FXYD6: variants seen among roughly 807,000 people sequenced by gnomAD.
The protein encoded by FXYD6 is FXYD domain containing ion transport regulator 6.
A neutral mutation model predicts 16.7 loss-of-function variants in FXYD6; 7 were observed. The ratio of observed to expected loss-of-function variants is 0.42; its 90% CI spans 0.24 to 0.79. The LOEUF (loss-of-function observed/expected upper bound fraction) is 0.79, where lower values mean the gene tolerates loss of function less well. Ranked by LOEUF, FXYD6 falls within the 30% of genes least tolerant of loss-of-function variation. FXYD6 has a pLI of 0.28. For missense variants in FXYD6, 111 were observed against 116.2 expected, an observed-to-expected ratio of 0.95 and a Z score of 0.21; for synonymous variants, 49 against 43.0, an observed-to-expected ratio of 1.14 and a Z score of -0.54.
rs757655838 is a variant in FXYD6, at chr11:117,869,551, G to A, written c.-6+7041C>T. On this transcript the variant is annotated intron_variant, in intron 1 of 7. Transcript: ENST00000526014. ...CCAGCCCGGCTGCACAGGGTGGAGC[G>A]GGAGAGGCAAAACTCTCTTGTCATA... Among the ~76,000 whole-genome samples the A allele has an allele frequency of 3.3e-5, 5 of 152,176 alleles. No homozygotes were observed. In the East Asian group the frequency reaches 9.6e-4, roughly 29 times the overall value.
At chr11:117,862,089 G>T (rs200146209) in intron 1 of FXYD6, among the ~76,000 whole-genome samples, 1 of 152,196 alleles carries the variant, frequency 6.6e-6, no homozygotes, top group East Asian at 1.9e-4. Context: ...AACTGAAAAG[G>T]CGATGCCCCA....
intron 1 of FXYD6, among the ~76,000 whole-genome samples, chr11:117,865,045 G>A (rs1348415689): frequency 7.9e-5 from 12 of 152,150 alleles, no homozygotes; most frequent in African/African-American, 2.7e-4. Context: ...ATTCAAAAAT[G>A]AGCAAATAAC....
intron 1 of FXYD6, among the ~76,000 whole-genome samples, chr11:117,857,784 C>A (rs1281728516): frequency 6.6e-6 from 1 of 152,132 alleles, no homozygotes; most frequent in Non-Finnish European, 1.5e-5. Flanking sequence ...GTGGTCTGAT[C>A]TATTCGTGCT....
chr11:117,841,246 T>C, intron 4 of FXYD6, 62 bp from the exon 5 acceptor site: 1 of 1,611,728 alleles, frequency 6.2e-7, no homozygotes, highest in Non-Finnish European at 8.5e-7. Flanking sequence ...GGGCCAAGGG[T>C]CTGTGCAGGT....
chr11:117,846,193 TTC>T (rs1486634473), intron 1 of FXYD6, among the ~76,000 whole-genome samples: 19 of 152,306 alleles, frequency 1.2e-4, no homozygotes, highest in East Asian at 3.9e-4. Context: ...CTGGACTTTT[TTC>T]TCTGTGTTTA....
chr11:117,855,599 G>A (rs923271886), intron 1 of FXYD6, among the ~76,000 whole-genome samples: 4 of 152,226 alleles, frequency 2.6e-5, no homozygotes, highest in Non-Finnish European at 5.9e-5. Context: ...AGGCTGGCTG[G>A]GGTGGGGAGG....
At chr11:117,871,190 T>A (rs1460185290) in intron 1 of FXYD6, among the ~76,000 whole-genome samples, 3 of 152,172 alleles carry the variant, frequency 2.0e-5, no homozygotes, top group South Asian at 2.1e-4. Flanking sequence ...AAATTCTTAG[T>A]TTCTAGACTC....
chr11:117,852,278 A>T (rs1348939644), intron 1 of FXYD6, among the ~76,000 whole-genome samples: 1 of 152,210 alleles, frequency 6.6e-6, no homozygotes, highest in Admixed American at 6.5e-5. Context: ...GCTGTGCCAG[A>T]CCTCTGACCT....
chr11:117,846,265 A>G (rs1282766086), intron 1 of FXYD6, among the ~76,000 whole-genome samples: 1 of 152,166 alleles, frequency 6.6e-6, no homozygotes, highest in Admixed American at 6.5e-5. Context: ...CCGTTTTCCA[A>G]GTGAGTTGAC....
At chr11:117,863,826 A>G (rs1016865935) in intron 1 of FXYD6, among the ~76,000 whole-genome samples, 1 of 152,176 alleles carries the variant, frequency 6.6e-6, no homozygotes, top group African/African-American at 2.4e-5. Flanking sequence ...ACAATAAAAA[A>G]TCTGAAGAGG....
At chr11:117,841,487 G>T in intron 4 of FXYD6, 1 of 589,038 alleles carries the variant, frequency 1.7e-6, no homozygotes, top group South Asian at 2.0e-5. Context: ...GCACACTAGG[G>T]CAGCACCTGT....
At chr11:117,855,322 T>C (rs1284128568) in intron 1 of FXYD6, among the ~76,000 whole-genome samples, 1 of 151,898 alleles carries the variant, frequency 6.6e-6, no homozygotes, top group African/African-American at 2.4e-5. Flanking sequence ...CACCTCAGCA[T>C]GGGCCCCTCG....
chr11:117,861,344 G>A (rs1216526499), intron 1 of FXYD6, among the ~76,000 whole-genome samples: 1 of 152,142 alleles, frequency 6.6e-6, no homozygotes, highest in African/African-American at 2.4e-5. Context: ...GGGAGAAGTC[G>A]GCCAATAGCT....
At chr11:117,869,881 G>T (rs2057097967) in intron 1 of FXYD6, among the ~76,000 whole-genome samples, 1 of 152,116 alleles carries the variant, frequency 6.6e-6, no homozygotes, top group African/African-American at 2.4e-5. Flanking sequence ...GTGCCGGCCT[G>T]GCTTTGTCCT....
At chr11:117,855,982 G>A (rs555577) in intron 1 of FXYD6, among the ~76,000 whole-genome samples, 58,996 of 151,946 alleles carry the variant, frequency 0.39, 12,119 homozygotes, top group Non-Finnish European at 0.47. Context: ...AACGAATTCT[G>A]TTTCCGCTCA....
intron 7 of FXYD6, 167 bp downstream of exon 7, chr11:117,839,614 C>G (rs2134129569): frequency 1.4e-6 from 1 of 715,320 alleles, no homozygotes; most frequent in South Asian, 1.9e-5. Flanking sequence ...GTCCTGGTCT[C>G]TCTCACAGCC....
chr11:117,844,835 G>C (rs2056436810), intron 1 of FXYD6, among the ~76,000 whole-genome samples: 1 of 152,168 alleles, frequency 6.6e-6, no homozygotes, highest in Admixed American at 6.5e-5. Context: ...CTTCTAAAAA[G>C]CTGCCAATCA....
At chr11:117,841,262 G>A (rs1022606891) in intron 4 of FXYD6, 78 bp from the exon 5 acceptor site, 106 of 1,602,832 alleles carry the variant, frequency 6.6e-5, no homozygotes, top group Middle Eastern at 5.0e-4. Flanking sequence ...CAGGTTGTGG[G>A]ACTATGTAAA....
intron 5 of FXYD6, 74 bp downstream of exon 5, chr11:117,841,074 G>A: frequency 5.7e-6 from 9 of 1,582,408 alleles, no homozygotes; most frequent in Non-Finnish European, 7.8e-6. Flanking sequence ...GCCCATTTGG[G>A]GGTCACACAC....
Sources: gnomAD v4.1 joint callset for allele counts (sites outside exome capture counted in the v4.1 genomes callset) on GRCh38, gnomAD v4.1.1 for gene constraint, MANE v1.5 for transcripts, NCBI Gene and HGNC (gene_info 2026-07-23, HGNC 2026-07-21) for gene names.